Variants in IQSEC2 observed in about 807,000 individuals in gnomAD.
IQSEC2 encodes IQ motif and Sec7 domain ArfGEF 2.
Under a neutral mutation model 74.6 loss-of-function variants are expected in IQSEC2, and 6 were observed. The ratio of observed to expected loss-of-function variants is 0.08; its 90% CI spans 0.04 to 0.16. IQSEC2 has a LOEUF of 0.16. Ranked by LOEUF, IQSEC2 falls within the 10% of genes least tolerant of loss-of-function variation. The pLI is 1.00. For synonymous variants in IQSEC2, 494 were observed against 544.5 expected, an observed-to-expected ratio of 0.91 and a Z score of 1.29; for missense variants, 734 against 1,306.2, an observed-to-expected ratio of 0.56 and a Z score of 6.75.
At chrX:53,311,131 A>G (rs1556877957) in intron 1 of IQSEC2, among the ~76,000 whole-genome samples, 4 of 95,981 alleles carry the variant, frequency 4.2e-5, no homozygotes, top group Admixed American at 1.2e-4. Context: ...CAAAAAAAAA[A>G]AAAAGAAAAG....
At chrX:53,261,647 C>T (rs1031446498) in intron 2 of IQSEC2, among the ~76,000 whole-genome samples, 8 of 107,956 alleles carry the variant, frequency 7.4e-5, no homozygotes, top group Middle Eastern at 4.8e-3. Flanking sequence ...TGCACATATA[C>T]GGACACAACC....
At chrX:53,311,069 G>A (rs1431208452) in intron 1 of IQSEC2, among the ~76,000 whole-genome samples, 2 of 86,117 alleles carry the variant, frequency 2.3e-5, no homozygotes, top group East Asian at 4.5e-4. Flanking sequence ...GCAGTGAGCC[G>A]AGATCGCGCC....
chrX:53,272,368 A>G (rs1356380785), intron 2 of IQSEC2, among the ~76,000 whole-genome samples: 2 of 111,864 alleles, frequency 1.8e-5, no homozygotes, highest in African/African-American at 6.5e-5. Context: ...AGTACCCATT[A>G]TGTGCCAGCC....
chrX:53,252,474 G>A (rs1430088069), intron 4 of IQSEC2, among the ~76,000 whole-genome samples: 4 of 110,384 alleles, frequency 3.6e-5, no homozygotes, highest in South Asian at 3.8e-4. Context: ...ACTCTTGGTC[G>A]CTTGTCACTT....
At chrX:53,239,942 C>T (rs2074193178) in intron 10 of IQSEC2, among the ~76,000 whole-genome samples, 1 of 111,433 alleles carries the variant, frequency 9.0e-6, no homozygotes, top group African/African-American at 3.3e-5. Context: ...TTTTTTAGGT[C>T]CTTTGGGCTG....
At chrX:53,298,921 A>ATGTT (rs1185914921) in intron 1 of IQSEC2, among the ~76,000 whole-genome samples, 1 of 109,658 alleles carries the variant, frequency 9.1e-6, no homozygotes, top group Non-Finnish European at 1.9e-5. Flanking sequence ...TTCCTTTTTT[A>ATGTT]TGTTTGTTTG....
intron 1 of IQSEC2, among the ~76,000 whole-genome samples, chrX:53,310,282 G>C (rs2075309332): frequency 9.0e-6 from 1 of 110,525 alleles, no homozygotes; most frequent in Non-Finnish European, 1.9e-5. Flanking sequence ...AACTTGGGAG[G>C]CTGAGGTAGG....
chrX:53,253,397 G>A (rs782140599), intron 4 of IQSEC2, among the ~76,000 whole-genome samples: 1 of 111,861 alleles, frequency 8.9e-6, no homozygotes, highest in South Asian at 3.7e-4. Context: ...TTGGGAAATG[G>A]CAGAACTGGG....
chrX:53,318,362 TG>T (rs1200692779), intron 1 of IQSEC2, among the ~76,000 whole-genome samples: 1 of 111,743 alleles, frequency 8.9e-6, no homozygotes, highest in African/African-American at 3.3e-5. Context: ...ACAAGCAACC[TG>T]GGGGGGTTCA....
chrX:53,290,680 C>A (rs2075089826), intron 2 of IQSEC2, among the ~76,000 whole-genome samples: 1 of 112,080 alleles, frequency 8.9e-6, no homozygotes, highest in African/African-American at 3.2e-5. Flanking sequence ...TGTGTTTATC[C>A]CACAGCCCCA....
rs782355048 is a variant in IQSEC2 at position 53,234,791 on chromosome X, G to A, written c.3895C>T (p.Pro1299Ser). ...GGAATGGAGCCCAGCTGGGGCAAGG[G>A]TGGGGGCTGCTGGGGAGGTGGGGGA... ...SLPPPPQQPPPLPQLGSIPPP... is the reference protein window; with the variant it reads ...SLPPPPQQPPSLPQLGSIPPP... Residue 1299 changes from proline (P) to serine (S), a missense_variant, in exon 15 of 15, where the codon CCC (proline) becomes TCC (serine). Around this residue, in one of 12 missense-constraint regions of IQSEC2, gnomAD observed 249 missense variants for 467.9 expected, o/e 0.53. Transcript: ENST00000642864. 62 of 1,113,897 alleles carry A rather than the reference G, an allele frequency of 5.6e-5. No homozygotes were observed. Among genetic ancestry groups the A allele is most frequent in the Non-Finnish European group, 1.3e-5 (11 of 845,558 alleles). 91.8% of individuals were successfully genotyped at this position (1,113,897 alleles called of 1,213,427 possible).
intron 1 of IQSEC2, among the ~76,000 whole-genome samples, chrX:53,295,852 C>A (rs1027318140): frequency 9.1e-6 from 1 of 109,984 alleles, no homozygotes; most frequent in Non-Finnish European, 1.9e-5. Flanking sequence ...TTCCCAGGAA[C>A]CTGAAATTAG....
rs1556873129 is a variant in IQSEC2, at chrX:53,291,931, G to C, written c.708-7C>G. The C allele has an allele frequency of 1.7e-6, 2 of 1,165,669 alleles. No homozygotes were observed. Among genetic ancestry groups the C allele is most frequent in the Non-Finnish European group, 2.3e-6 (2 of 871,224 alleles). On this transcript the variant is annotated splice_polypyrimidine_tract_variant and splice_region_variant and intron_variant, in intron 1 of 14. Transcript: ENST00000642864. ...GGAATTCTCACCATCAGATCTGAAAGGGAAACAGAGAAAAAAAACCAAAAC... is the reference window on the plus strand; with the variant it reads ...GGAATTCTCACCATCAGATCTGAAACGGAAACAGAGAAAAAAAACCAAAAC...
chrX:53,301,121 T>C (rs1232368760), intron 1 of IQSEC2, among the ~76,000 whole-genome samples: 1 of 112,292 alleles, frequency 8.9e-6, no homozygotes, highest in African/African-American at 3.2e-5. Context: ...TAAACGCTAC[T>C]AAGAAATTAA....
intron 14 of IQSEC2, among the ~76,000 whole-genome samples, 142 bp downstream of exon 14, chrX:53,235,625 AGAGTTGAGGACAGATG>A (rs2074114899): frequency 1.8e-5 from 2 of 111,558 alleles, no homozygotes; most frequent in South Asian, 7.6e-4. Flanking sequence ...GAGGACAGAC[AGAGTTGAGGACAGATG>A]GAGAGAGTGG....
At chrX:53,269,010 A>T (rs2074700664) in intron 2 of IQSEC2, among the ~76,000 whole-genome samples, 1 of 112,254 alleles carries the variant, frequency 8.9e-6, no homozygotes, top group Non-Finnish European at 1.9e-5. Context: ...AACGGCCATT[A>T]TAGTGGTATC....
At chrX:53,263,436 G>C (rs1488273777) in intron 2 of IQSEC2, among the ~76,000 whole-genome samples, 1 of 111,006 alleles carries the variant, frequency 9.0e-6, no homozygotes, top group African/African-American at 3.3e-5. Flanking sequence ...CCCACTCTTA[G>C]CTTCAGAAGC....
At chrX:53,256,571 T>C (rs2074472954) in intron 2 of IQSEC2, among the ~76,000 whole-genome samples, 1 of 110,658 alleles carries the variant, frequency 9.0e-6, no homozygotes, top group African/African-American at 3.3e-5. Context: ...CCCAGCCCTG[T>C]CCCAGCTGTG....
downstream of IQSEC2, chrX:53,226,189 G>C (rs1458038185): frequency 8.9e-6 from 1 of 112,583 alleles, no homozygotes; most frequent in Non-Finnish European, 1.9e-5. Context: ...CATGTTCCTT[G>C]AGCAGTTTCT....
Sources: gnomAD v4.1 joint callset for allele counts (sites outside exome capture counted in the v4.1 genomes callset) on GRCh38, gnomAD v4.1.1 for gene constraint, gnomAD v4.1.1 regional missense constraint, MANE v1.5 for transcripts, NCBI Gene and HGNC (gene_info 2026-07-23, HGNC 2026-07-21) for gene names.